The following FAM118B variants were observed in gnomAD, a reference collection of about 807,000 sequenced individuals.
FAM118B encodes the protein SIR2 antiphage like 1.
Under a neutral mutation model 38.5 loss-of-function variants are expected in FAM118B, and 24 were observed. The ratio of observed to expected loss-of-function variants is 0.62; its 90% CI spans 0.45 to 0.88. The LOEUF (loss-of-function observed/expected upper bound fraction) is 0.88, where lower values mean the gene tolerates loss of function less well. Among genes scored for constraint, FAM118B ranks in the 40% least tolerant of loss-of-function variants. The pLI, the probability that FAM118B is intolerant of heterozygous loss-of-function variation, is 0.00. For synonymous variants in FAM118B, 138 were observed against 156.3 expected, an observed-to-expected ratio of 0.88 and a Z score of 0.87; for missense variants, 334 against 420.0, an observed-to-expected ratio of 0.80 and a Z score of 1.79.
chr11:126,227,037 G>A (rs1057365048), intron 1 of FAM118B, among the ~76,000 whole-genome samples: 2 of 146,126 alleles, frequency 1.4e-5, no homozygotes, highest in Non-Finnish European at 3.0e-5. Context: ...GAAATTGAAT[G>A]CTCTCAAACA....
At chr11:126,233,062 G>A (rs1950228292) in intron 2 of FAM118B, among the ~76,000 whole-genome samples, 1 of 152,142 alleles carries the variant, frequency 6.6e-6, no homozygotes, top group African/African-American at 2.4e-5. Context: ...TCTTATTTAG[G>A]TGTTTCCTAT....
rs1209485302 is a variant in FAM118B, at chr11:126,250,218, A to G, written c.340-288A>G. 6.6e-6 allele frequency among the ~76,000 whole-genome samples: 1 copy of G among 151,790 alleles called. No individual in the cohort carries two copies. Among genetic ancestry groups the G allele is most frequent in the Non-Finnish European group, 1.5e-5 (1 of 67,960 alleles). On this transcript the variant is annotated intron_variant, in intron 4 of 8. Coordinates refer to ENST00000533050, the MANE Select transcript of FAM118B (RefSeq NM_024556.4). This position sits in a 1 kb window ranked among gnomAD's most constrained non-coding sequence, Gnocchi z 5.1. ...ACCATTCTCCTGCCTCAGCCTCCCA[A>G]GTAGCTGGGACTACAGGCGCCTGTC... is the stretch of plus-strand genomic sequence containing the variant.
At chr11:126,221,238 A>G (rs1196186860) in intron 1 of FAM118B, among the ~76,000 whole-genome samples, 1 of 152,232 alleles carries the variant, frequency 6.6e-6, no homozygotes, top group Non-Finnish European at 1.5e-5. Context: ...AAAAGAGAAT[A>G]TCCTGAAAAG....
chr11:126,240,408 G>C (rs1950340285), intron 3 of FAM118B, among the ~76,000 whole-genome samples: 1 of 151,798 alleles, frequency 6.6e-6, no homozygotes, highest in South Asian at 2.1e-4. Flanking sequence ...TTTTTCTAGA[G>C]TACAAATCAA....
At chr11:126,216,228 T>A (rs141892710) in intron 1 of FAM118B, among the ~76,000 whole-genome samples, 47 of 151,826 alleles carry the variant, frequency 3.1e-4, no homozygotes, top group African/African-American at 1.0e-3. Context: ...ATACTAAAAT[T>A]AGCTGAGCAT....
intron 1 of FAM118B, among the ~76,000 whole-genome samples, chr11:126,215,696 C>CAAA (rs56687894): frequency 2.5e-4 from 23 of 93,812 alleles, no homozygotes; most frequent in East Asian, 2.9e-4. Context: ...GACTCCGTCT[C>CAAA]AAAAAAAAAA....
Position 126,250,142 on chromosome 11 carries a change from A to C in FAM118B, c.340-364A>C, listed in dbSNP as rs1950479702. 2.0e-5 allele frequency among the ~76,000 whole-genome samples: 3 copies of C among 146,416 alleles called. No individual in the cohort carries two copies. In the South Asian group the frequency reaches 6.5e-4, roughly 32 times the overall value. The stretch of plus-strand genomic sequence containing the variant: ...AGTCTCGCTCCGTCGCCCAGGCTGG[A>C]GTGCAGTGACGCGATCTCGGCTCAC... On this transcript the variant is annotated intron_variant, in intron 4 of 8. Transcript: ENST00000533050. The surrounding 1 kb of genome is among the most constrained non-coding windows in gnomAD (Gnocchi z 5.1).
intron 2 of FAM118B, among the ~76,000 whole-genome samples, chr11:126,232,671 A>T (rs2135151761): frequency 6.6e-6 from 1 of 151,868 alleles, no homozygotes; most frequent in Admixed American, 6.5e-5. Context: ...TAAAAAATAT[A>T]TTTTTTTAAG....
intron 7 of FAM118B, among the ~76,000 whole-genome samples, chr11:126,259,148 G>A (rs1433961888): frequency 1.3e-5 from 2 of 152,200 alleles, no homozygotes; most frequent in South Asian, 2.1e-4. Flanking sequence ...ATTTTGAAAC[G>A]AGTCAACCTT....
At chr11:126,233,099 T>C (rs2135152578) in intron 2 of FAM118B, among the ~76,000 whole-genome samples, 1 of 152,328 alleles carries the variant, frequency 6.6e-6, no homozygotes, top group Non-Finnish European at 1.5e-5. Context: ...GAGAATCTGA[T>C]TCTGTAATTT....
At position 126,241,289 on chromosome 11, in the gene FAM118B, TG is replaced by T. The variant is rs1287892248; in HGVS notation, c.339+246del. ...GAGAAATGATGTTGAGGACTTTATA[TG>T]TACAAATTACCACTGTGTTTTGAAT... On this transcript the variant is annotated intron_variant, in intron 4 of 8. Transcript: ENST00000533050. 26 of 386,182 alleles carry T rather than the reference TG, an allele frequency of 6.7e-5. No individual in the cohort carries two copies. The East Asian group carries it at 9.0e-4, about 13-fold the overall frequency. 23.9% of individuals were successfully genotyped at this position (386,182 alleles called of 1,614,324 possible).
chr11:126,237,680 TA>T (rs544480250), intron 3 of FAM118B, among the ~76,000 whole-genome samples: 3 of 85,902 alleles, frequency 3.5e-5, no homozygotes, highest in African/African-American at 4.7e-5. Context: ...CTGTCTCTAC[TA>T]AAAAAAAAAA....
rs1950530637 is a variant in FAM118B at position 126,253,293 on chromosome 11, T to A, written c.568-1012T>A. ...TAAAGACATTGACTGGTAGTCAGAA[T>A]GGGGCCTAGTAACATTCAAATTCTA... On this transcript the variant is annotated intron_variant, in intron 5 of 8. Transcript: ENST00000533050. The surrounding 1 kb of genome is among the most constrained non-coding windows in gnomAD (Gnocchi z 5.1). Among the ~76,000 whole-genome samples, 1 of 152,188 alleles carries A rather than the reference T, an allele frequency of 6.6e-6. No homozygotes were observed. The highest frequency in any genetic ancestry group is 6.5e-5 in the Admixed American group (1 of 15,272).
At chr11:126,221,437 A>G (rs1950060892) in intron 1 of FAM118B, among the ~76,000 whole-genome samples, 2 of 152,196 alleles carry the variant, frequency 1.3e-5, no homozygotes, top group Non-Finnish European at 2.9e-5. Context: ...ATATTATCAC[A>G]TAGCTTATTT....
chr11:126,259,395 TCCATTA>T (rs1208405417), intron 7 of FAM118B, among the ~76,000 whole-genome samples: 1 of 151,102 alleles, frequency 6.6e-6, no homozygotes, highest in East Asian at 1.9e-4. Context: ...ATTCTTATAA[TCCATTA>T]CCATACAAGC....
chr11:126,244,311 A>T lies in FAM118B; in HGVS notation c.339+3267A>T, dbSNP rs1950394959. ...AGAAGTAAACTGCCTCTGTTTGCAG[A>T]TGTGATGATCTAGTCTATAGAAGAT... is the stretch of plus-strand genomic sequence containing the variant. On this transcript the variant is annotated intron_variant, in intron 4 of 8. Coordinates refer to ENST00000533050, the MANE Select transcript of FAM118B (RefSeq NM_024556.4). The surrounding 1 kb of genome is among the most constrained non-coding windows in gnomAD (Gnocchi z 4.5). Among the ~76,000 whole-genome samples the T allele has an allele frequency of 6.6e-6, 1 of 152,240 alleles. No individual in the cohort carries two copies. Among genetic ancestry groups the T allele is most frequent in the Non-Finnish European group, 1.5e-5 (1 of 68,042 alleles).
At chr11:126,233,117 G>C (rs1296418589) in intron 2 of FAM118B, among the ~76,000 whole-genome samples, 1 of 152,112 alleles carries the variant, frequency 6.6e-6, no homozygotes, top group Non-Finnish European at 1.5e-5. Context: ...TTTTGGAGTA[G>C]AGCCTAGAAA....
intron 1 of FAM118B, among the ~76,000 whole-genome samples, chr11:126,222,372 A>C (rs937419002): frequency 1.3e-5 from 2 of 152,244 alleles, no homozygotes; most frequent in Non-Finnish European, 2.9e-5. Context: ...GTAACCTGTG[A>C]TGAATTCAGT....
At chr11:126,233,749 C>G (rs1404826090) in intron 2 of FAM118B, 1 of 456,144 alleles carries the variant, frequency 2.2e-6, no homozygotes, top group African/African-American at 2.0e-5. Flanking sequence ...CTGTTTACCA[C>G]AAAAAATTAA....
Sources: gnomAD v4.1 joint callset for allele counts (sites outside exome capture counted in the v4.1 genomes callset) on GRCh38, gnomAD v4.1.1 for gene constraint, Gnocchi (gnomAD v3.1) non-coding constraint, MANE v1.5 for transcripts, NCBI Gene and HGNC (gene_info 2026-07-23, HGNC 2026-07-21) for gene names.